Variants in PDE1A observed in about 807,000 individuals in gnomAD.
PDE1A encodes phosphodiesterase 1A, also known as dual specificity calcium/calmodulin-dependent 3',5'-cyclic nucleotide phosphodiesterase 1A.
PDE1A carries 35 observed loss-of-function variants against 61.7 expected under a neutral mutation model. The observed-to-expected ratio is 0.57, with a 90% CI of 0.43 to 0.75. The LOEUF is 0.75. Ranked by LOEUF, PDE1A falls within the 30% of genes least tolerant of loss-of-function variation. The probability of loss-of-function intolerance (pLI) is 0.00; values close to 1 mark genes in which losing one functional copy is unlikely to be tolerated. For missense variants in PDE1A, 597 were observed against 630.6 expected, an observed-to-expected ratio of 0.95 and a Z score of 0.57; for synonymous variants, 232 against 213.2, an observed-to-expected ratio of 1.09 and a Z score of -0.77.
the PDE1A span, among the ~76,000 whole-genome samples, chr2:182,641,260 A>G: frequency 6.6e-6 from 1 of 152,006 alleles, no homozygotes; most frequent in Non-Finnish European, 1.5e-5. Flanking sequence ...CATATGGGGG[A>G]AAAGGATGAG....
At chr2:182,435,386 T>C (rs1191927842) in intron 2 of PDE1A, among the ~76,000 whole-genome samples, 1 of 152,024 alleles carries the variant, frequency 6.6e-6, no homozygotes, top group Non-Finnish European at 1.5e-5. Flanking sequence ...GATATTCAAC[T>C]AGCAGGATAA....
chr2:182,206,380 A>G (rs1018009149), intron 7 of PDE1A, among the ~76,000 whole-genome samples: 3 of 152,180 alleles, frequency 2.0e-5, no homozygotes, highest in African/African-American at 4.8e-5. Flanking sequence ...TTTTGTTACA[A>G]TTGATGAACC....
chr2:182,148,174 G>C (rs1454084924), intron 13 of PDE1A, among the ~76,000 whole-genome samples: 1 of 152,106 alleles, frequency 6.6e-6, no homozygotes, highest in Non-Finnish European at 1.5e-5. Context: ...TCTCAAATCA[G>C]ACAATAGAAG....
At chr2:182,392,012 C>G (rs540605430) in intron 1 of PDE1A, among the ~76,000 whole-genome samples, 1 of 152,130 alleles carries the variant, frequency 6.6e-6, no homozygotes, top group East Asian at 1.9e-4. Context: ...GGTCAGGTCC[C>G]GTTGAGGAAG....
chr2:182,294,067 G>A (rs535089172), intron 1 of PDE1A, among the ~76,000 whole-genome samples: 1 of 152,206 alleles, frequency 6.6e-6, no homozygotes. Flanking sequence ...TATGTCTCTG[G>A]CAGGACAAAG....
chr2:182,286,079 C>G (rs1163356440), intron 1 of PDE1A, among the ~76,000 whole-genome samples: 1 of 152,092 alleles, frequency 6.6e-6, no homozygotes. Flanking sequence ...AGCACAATGG[C>G]ATAGTATGAG....
chr2:182,455,770 G>A (rs907606145), intron 2 of PDE1A, among the ~76,000 whole-genome samples: 2 of 152,016 alleles, frequency 1.3e-5, no homozygotes, highest in African/African-American at 2.4e-5. Flanking sequence ...GTGGGGGAAT[G>A]GGGGAGGGAA....
At chr2:182,288,041 G>A (rs1291788044) in intron 1 of PDE1A, among the ~76,000 whole-genome samples, 3 of 146,780 alleles carry the variant, frequency 2.0e-5, no homozygotes, top group African/African-American at 7.3e-5. Flanking sequence ...GTTTTACAAG[G>A]AAAGCCAAAT....
intron 13 of PDE1A, among the ~76,000 whole-genome samples, chr2:182,151,303 C>A (rs1211836737): frequency 8.5e-5 from 13 of 152,068 alleles, no homozygotes; most frequent in Non-Finnish European, 1.5e-5. Flanking sequence ...CAGGTTTCAC[C>A]ATTTTGGCCA....
intron 1 of PDE1A, among the ~76,000 whole-genome samples, chr2:182,374,340 A>C (rs1197405494): frequency 6.6e-6 from 1 of 152,106 alleles, no homozygotes; most frequent in African/African-American, 2.4e-5. Flanking sequence ...AAGATGAATC[A>C]AAAACCTACA....
At chr2:182,229,239 T>A (rs1689374424) in intron 6 of PDE1A, among the ~76,000 whole-genome samples, 1 of 152,114 alleles carries the variant, frequency 6.6e-6, no homozygotes, top group Non-Finnish European at 1.5e-5. Flanking sequence ...GAAATTCTGG[T>A]TGCCTCCTAG....
At chr2:182,398,377 T>C (rs904910073) in intron 1 of PDE1A, among the ~76,000 whole-genome samples, 2 of 152,044 alleles carry the variant, frequency 1.3e-5, no homozygotes, top group African/African-American at 4.8e-5. Context: ...AACATTGTCA[T>C]AGATGTGAAT....
the PDE1A span, among the ~76,000 whole-genome samples, chr2:182,608,089 G>A: frequency 6.6e-6 from 1 of 152,106 alleles, no homozygotes; most frequent in Non-Finnish European, 1.5e-5. Flanking sequence ...AGTTTCCTCC[G>A]ACCTTCTCCT....
rs1197396506 is a variant in PDE1A, at chr2:182,213,209, G to C, written c.777-7144C>G. Among the ~76,000 whole-genome samples, 6 of 149,444 alleles carry C rather than the reference G, an allele frequency of 4.0e-5. No homozygotes were observed. The East Asian group carries it at 6.0e-4, about 15-fold the overall frequency. ...CAACAGACCTGCAGCTGAGGGTCCTGTCTGTTAGAAGGAAGACTAACAAAC... is the reference window on the plus strand; with the variant it reads ...CAACAGACCTGCAGCTGAGGGTCCTCTCTGTTAGAAGGAAGACTAACAAAC... On this transcript the variant is annotated intron_variant, in intron 7 of 13. Transcript: ENST00000351439.
exon 10 of PDE1A, chr2:182,201,554 T>C: frequency 1.2e-6 from 2 of 1,611,798 alleles, no homozygotes; most frequent in Non-Finnish European, 1.7e-6. Context: ...TTTGGCTCTG[T>C]CAATCCTGTC....
At chr2:182,290,392 T>C (rs1298320174) in intron 1 of PDE1A, among the ~76,000 whole-genome samples, 1 of 152,126 alleles carries the variant, frequency 6.6e-6, no homozygotes, top group Non-Finnish European at 1.5e-5. Context: ...CCTTCAGGTG[T>C]TTACTAATTT....
chr2:182,219,248 A>G (rs1688515993), intron 7 of PDE1A, among the ~76,000 whole-genome samples: 1 of 152,160 alleles, frequency 6.6e-6, no homozygotes. Context: ...GAATACATCA[A>G]GGGAAGGCTT....
At chr2:182,242,922 C>G (rs77251610) in intron 2 of PDE1A, among the ~76,000 whole-genome samples, 131 of 42,466 alleles carry the variant, frequency 3.1e-3, no homozygotes, top group African/African-American at 0.012. Context: ...CTCTCTCTCT[C>G]TCTCGTGTGT....
intron 1 of PDE1A, among the ~76,000 whole-genome samples, chr2:182,374,560 GA>G (rs1220278832): frequency 6.6e-6 from 1 of 151,928 alleles, no homozygotes; most frequent in East Asian, 1.9e-4. Context: ...AGAATTAGAA[GA>G]AAAAATTCAT....
Sources: gnomAD v4.1 joint callset for allele counts (sites outside exome capture counted in the v4.1 genomes callset) on GRCh38, gnomAD v4.1.1 for gene constraint, MANE v1.5 for transcripts, NCBI Gene and HGNC (gene_info 2026-07-23, HGNC 2026-07-21) for gene names.